AHCYL2: variants seen among roughly 807,000 people sequenced by gnomAD.
The protein encoded by AHCYL2 is adenosylhomocysteinase like 2.
AHCYL2 carries 28 observed loss-of-function variants against 81.4 expected under a neutral mutation model. That is an observed-to-expected ratio of 0.34 (90% confidence interval 0.25 to 0.47). The LOEUF is 0.47. Among genes scored for constraint, AHCYL2 ranks in the 20% least tolerant of loss-of-function variants. The pLI is 1.00. For synonymous variants in AHCYL2, 272 were observed against 290.2 expected (o/e 0.94, Z 0.64); for missense variants, 551 against 785.1 (o/e 0.70, Z 3.56).
chr7:129,421,805 A>G (rs1046255370), intron 12 of AHCYL2, among the ~76,000 whole-genome samples: 11 of 152,222 alleles, frequency 7.2e-5, no homozygotes, highest in African/African-American at 2.7e-4. Flanking sequence ...ACAAAAATGA[A>G]AAGAAAGTAC....
chr7:129,321,863 C>T (rs1442158908), intron 1 of AHCYL2, among the ~76,000 whole-genome samples: 1 of 150,648 alleles, frequency 6.6e-6, no homozygotes, highest in African/African-American at 2.4e-5. Context: ...TTAACCTCCA[C>T]CTCCCAGGTT....
chr7:129,309,368 A>G lies in AHCYL2; in HGVS notation c.364-70270A>G, dbSNP rs560585235. Among the ~76,000 whole-genome samples, 6 of 152,252 alleles carry G rather than the reference A, an allele frequency of 3.9e-5. No individual in the cohort carries two copies. The East Asian group carries it at 1.2e-3, about 29-fold the overall frequency. ...AGTCTAGAAAACATAGTGAGATTCC[A>G]TCTCTACAAAAAGTTTAAAAATTAG... On this transcript the variant is annotated intron_variant, in intron 1 of 16. Transcript: ENST00000325006.
intron 1 of AHCYL2, among the ~76,000 whole-genome samples, chr7:129,324,059 C>CGTAGATTTT (rs56956637): frequency 0.88 from 132,299 of 150,672 alleles, 58,467 homozygotes; most frequent in East Asian, 0.98. Context: ...TTGTAGATTT[C>CGTAGATTTT]GTAGATTTTG....
At chr7:129,375,854 G>C in intron 1 of AHCYL2, 1 of 1,535,882 alleles carries the variant, frequency 6.5e-7, no homozygotes, top group South Asian at 1.2e-5. Flanking sequence ...GTGGCAGTGG[G>C]GCTGGTAATG....
intron 1 of AHCYL2, among the ~76,000 whole-genome samples, chr7:129,281,039 A>C (rs1270106044): frequency 1.3e-5 from 2 of 151,538 alleles, no homozygotes; most frequent in Non-Finnish European, 2.9e-5. Context: ...AATTTTTTGT[A>C]TTTTTAGTAG....
chr7:129,238,644 G>GT lies in AHCYL2; in HGVS notation c.363+13208dup, dbSNP rs200700338. Among the ~76,000 whole-genome samples the GT allele has an allele frequency of 6.0e-3, 912 of 152,212 alleles. 7 individuals are homozygous for GT. The highest frequency in any genetic ancestry group is 0.021 in the African/African-American group (877 of 41,532). ...CTGAAATTGAGGTGAAACCCAAGAG[G>GT]TTTCACCATGTGTCAGAACCTCTGT... is the stretch of plus-strand genomic sequence containing the variant. On this transcript the variant is annotated intron_variant, in intron 1 of 16. Coordinates refer to ENST00000325006, the MANE Select transcript of AHCYL2 (RefSeq NM_015328.4).
intron 1 of AHCYL2, among the ~76,000 whole-genome samples, chr7:129,364,150 G>A (rs1794025123): frequency 6.6e-6 from 1 of 151,986 alleles, no homozygotes; most frequent in African/African-American, 2.4e-5. Context: ...GAGGTGGCAG[G>A]ATCACTTGAG....
chr7:129,381,977 T>G (rs1794977699), intron 2 of AHCYL2, among the ~76,000 whole-genome samples: 1 of 152,140 alleles, frequency 6.6e-6, no homozygotes, highest in Admixed American at 6.5e-5. Context: ...CTTTTCCCCT[T>G]TGAGTGAATG....
intron 1 of AHCYL2, among the ~76,000 whole-genome samples, chr7:129,300,305 C>T (rs1018408080): frequency 6.6e-6 from 1 of 152,166 alleles, no homozygotes; most frequent in Non-Finnish European, 1.5e-5. Flanking sequence ...CTACCCTTCC[C>T]AACCTTTGGT....
intron 1 of AHCYL2, among the ~76,000 whole-genome samples, chr7:129,302,674 G>T (rs959583206): frequency 1.3e-5 from 2 of 152,266 alleles, no homozygotes; most frequent in African/African-American, 4.8e-5. Flanking sequence ...ATTGATTGGT[G>T]TATGTTGATC....
chr7:129,225,254 C>T lies in AHCYL2; in HGVS notation c.178C>T (p.Pro60Ser), dbSNP rs573313049. ...GGCTCCAGCTCCCGCCGCGGAGCGG[C>T]CCCCGGTCCCCGGCCCGGGCTCGGG... ...PEAPAPAAER[P>S]PVPGPGSGPA... is the part of the protein sequence containing the mutation. Residue 60 changes from proline (P) to serine (S), a missense_variant, in exon 1 of 17, where the codon CCC becomes TCC. This residue lies in a region of AHCYL2 where 235 missense variants were observed against 242.1 expected (regional missense o/e 0.97). Coordinates refer to ENST00000325006, the MANE Select transcript of AHCYL2 (RefSeq NM_015328.4). The T allele has an allele frequency of 1.8e-4, 259 of 1,456,436 alleles. 2 individuals are homozygous for T. Among genetic ancestry groups the T allele is most frequent in the South Asian group, 8.5e-4 (63 of 74,256 alleles). 90.2% of individuals were successfully genotyped at this position (1,456,436 alleles called of 1,614,324 possible). A position where few individuals can be genotyped will look rare whatever the true frequency, so the allele number is the denominator to read the frequency against.
chr7:129,379,763 TGCTGTG>T lies in AHCYL2; in HGVS notation c.475+16_475+21del, dbSNP rs778347801. 1 of 1,598,506 alleles carries T rather than the reference TGCTGTG, an allele frequency of 6.3e-7. No homozygotes were observed. Among genetic ancestry groups the T allele is most frequent in the African/African-American group, 1.3e-5 (1 of 74,566 alleles). ...GCTACAGCTCAGGTGAGTACTGAACTGCTGTGGACCCAGCTGTTGAGGCTAATAAGT... is the reference window on the plus strand; with the variant it reads ...GCTACAGCTCAGGTGAGTACTGAACTGACCCAGCTGTTGAGGCTAATAAGT... On this transcript the variant is annotated intron_variant, in intron 2 of 16. Coordinates refer to ENST00000325006, the MANE Select transcript of AHCYL2 (RefSeq NM_015328.4).
rs1797410915 is a variant in AHCYL2, at chr7:129,427,405, A to G, written c.*360A>G. On this transcript the variant is annotated 3_prime_UTR_variant, in exon 17 of 17. Coordinates refer to ENST00000325006, the MANE Select transcript of AHCYL2 (RefSeq NM_015328.4). The surrounding 1 kb of genome is among the most constrained non-coding windows in gnomAD (Gnocchi z 5.5). ...TTAGTCCAGGGATTCCATACTCCCT[A>G]TTCCCTGGAGTTTTCTGGAATAAAT... is the stretch of plus-strand genomic sequence containing the variant. 1 of 184,914 alleles carries G rather than the reference A, an allele frequency of 5.4e-6. No individual in the cohort carries two copies. The allele number at this position is 184,914 out of a possible 1,614,324, so 11.5% of individuals were successfully genotyped here. A position where few individuals can be genotyped will look rare whatever the true frequency, so the allele number is the denominator to read the frequency against.
chr7:129,409,471 A>G lies in AHCYL2; in HGVS notation c.1296-5A>G. On this transcript the variant is annotated splice_region_variant and splice_polypyrimidine_tract_variant and intron_variant, in intron 10 of 16. Coordinates refer to ENST00000325006, the MANE Select transcript of AHCYL2 (RefSeq NM_015328.4). ...AGGTTAATGGGTCATGCTTTATTTC[A>G]ACAGTATGGATGGATTTCGACTGGT... The G allele has an allele frequency of 6.2e-7, 1 of 1,613,244 alleles. No homozygotes were observed. The highest frequency in any genetic ancestry group is 1.1e-5 in the South Asian group (1 of 90,848).
intron 1 of AHCYL2, among the ~76,000 whole-genome samples, chr7:129,363,272 C>T (rs1793997008): frequency 6.6e-6 from 1 of 152,120 alleles, no homozygotes; most frequent in South Asian, 2.1e-4. Flanking sequence ...TCTTCTAAGG[C>T]ACATTATGGT....
chr7:129,290,542 A>G (rs1796807721), intron 1 of AHCYL2, among the ~76,000 whole-genome samples: 1 of 151,560 alleles, frequency 6.6e-6, no homozygotes, highest in African/African-American at 2.4e-5. Context: ...ACAGAGGAGC[A>G]AAGTCCAGTA....
intron 2 of AHCYL2, among the ~76,000 whole-genome samples, chr7:129,380,069 CTT>C (rs1207543327): frequency 1.4e-5 from 2 of 144,378 alleles, no homozygotes; most frequent in African/African-American, 2.5e-5. Context: ...TACTTGTGGT[CTT>C]TTTTTTTTTT....
intron 1 of AHCYL2, among the ~76,000 whole-genome samples, chr7:129,373,472 C>T (rs1483423019): frequency 3.3e-5 from 5 of 151,858 alleles, no homozygotes; most frequent in Non-Finnish European, 5.9e-5. Context: ...TGGTGGCATG[C>T]GCCTGTAGTC....
intron 1 of AHCYL2, among the ~76,000 whole-genome samples, chr7:129,357,604 A>G (rs1189710178): frequency 6.6e-6 from 1 of 152,178 alleles, no homozygotes; most frequent in Non-Finnish European, 1.5e-5. Flanking sequence ...GACTCTTCAC[A>G]TAAGATGATG....
Sources: gnomAD v4.1 joint callset for allele counts (sites outside exome capture counted in the v4.1 genomes callset) on GRCh38, gnomAD v4.1.1 for gene constraint, gnomAD v4.1.1 regional missense constraint, Gnocchi (gnomAD v3.1) non-coding constraint, MANE v1.5 for transcripts, NCBI Gene and HGNC (gene_info 2026-07-23, HGNC 2026-07-21) for gene names.